Variants in SV2B observed in about 807,000 individuals in gnomAD.
The protein encoded by SV2B is solute carrier family 22 member B2.
In SV2B, 41 loss-of-function variants were observed where a neutral mutation model predicts 73.9. That is an observed-to-expected ratio of 0.56 (90% confidence interval 0.43 to 0.72). The LOEUF is 0.72. SV2B is among the 30% of genes least tolerant of loss of function. The probability of loss-of-function intolerance (pLI) is 0.00; values close to 1 mark genes in which losing one functional copy is unlikely to be tolerated. For synonymous variants in SV2B, 314 were observed against 314.2 expected (o/e 1.00, Z 0.01); for missense variants, 764 against 857.8 (o/e 0.89, Z 1.37).
chr15:91,173,309 C>T (rs551625637), intron 1 of SV2B, among the ~76,000 whole-genome samples: 4 of 152,216 alleles, frequency 2.6e-5, no homozygotes, highest in African/African-American at 9.6e-5. Flanking sequence ...TGTGGGACTG[C>T]AGGGGCTTGG....
rs751316963 is a variant in SV2B, at chr15:91,129,407, G to C, written c.-392+29044G>C. Among the ~76,000 whole-genome samples, 1 of 152,194 alleles carries C rather than the reference G, an allele frequency of 6.6e-6. No individual in the cohort carries two copies. The highest frequency in any genetic ancestry group is 1.5e-5 in the Non-Finnish European group (1 of 68,042). ...ATGAAGGGGGAGAAATCAATTGTCC[G>C]GAGATGGAACTGGGGGAGGAAGGAG... On this transcript the variant is annotated intron_variant, in intron 1 of 12. Transcript: ENST00000394232. The surrounding 1 kb of genome is among the most constrained non-coding windows in gnomAD (Gnocchi z 5.1).
rs889406100 is a variant in SV2B at position 91,136,212 on chromosome 15, G to T, written c.-392+35849G>T. On this transcript the variant is annotated intron_variant, in intron 1 of 12. Coordinates refer to ENST00000394232, the MANE Select transcript of SV2B (RefSeq NM_001323032.3). This position sits in a 1 kb window ranked among gnomAD's most constrained non-coding sequence, Gnocchi z 5.6. ...ATGCCAAAGAGGGGCCTGCTGGAGAGAACTTAGCAGGATGCCATTCAGGTG... is the reference window on the plus strand; with the variant it reads ...ATGCCAAAGAGGGGCCTGCTGGAGATAACTTAGCAGGATGCCATTCAGGTG... Among the ~76,000 whole-genome samples the T allele has an allele frequency of 1.3e-5, 2 of 152,234 alleles. No homozygotes were observed. The highest frequency in any genetic ancestry group is 4.8e-5 in the African/African-American group (2 of 41,472).
intron 1 of SV2B, among the ~76,000 whole-genome samples, chr15:91,184,272 G>A (rs1042554866): frequency 3.3e-5 from 5 of 152,194 alleles, no homozygotes; most frequent in East Asian, 1.9e-4. Flanking sequence ...AATTTACTGA[G>A]TGGAAGTTCA....
intron 2 of SV2B, among the ~76,000 whole-genome samples, chr15:91,247,020 G>A (rs1420501362): frequency 1.3e-5 from 2 of 152,100 alleles, no homozygotes; most frequent in African/African-American, 4.8e-5. Context: ...TAATAACATA[G>A]CCATTCCAGA....
At chr15:91,142,362 A>C (rs12148632) in intron 1 of SV2B, among the ~76,000 whole-genome samples, 1 of 151,968 alleles carries the variant, frequency 6.6e-6, no homozygotes, top group Admixed American at 6.6e-5. Context: ...ATTTTCCTGA[A>C]CAAAGAGAAC....
At chr15:91,186,411 T>C (rs1049321018) in intron 1 of SV2B, among the ~76,000 whole-genome samples, 1 of 152,152 alleles carries the variant, frequency 6.6e-6, no homozygotes, top group South Asian at 2.1e-4. Flanking sequence ...ATACATGGAG[T>C]GAGACAAAGC....
At chr15:91,209,107 G>GTTTTTTTTT (rs1362781398) in intron 1 of SV2B, among the ~76,000 whole-genome samples, 16 of 121,958 alleles carry the variant, frequency 1.3e-4, no homozygotes, top group African/African-American at 4.4e-4. Context: ...TGGCAGTACT[G>GTTTTTTTTT]TTTTTTGTTT....
At position 91,266,710 on chromosome 15, in the gene SV2B, C is replaced by T; in HGVS notation, c.1119+18C>T. 6 of 1,593,122 alleles carry T rather than the reference C, an allele frequency of 3.8e-6. No individual in the cohort carries two copies. The highest frequency in any genetic ancestry group is 5.2e-6 in the Non-Finnish European group (6 of 1,163,156). On this transcript the variant is annotated intron_variant, in intron 7 of 12. Coordinates refer to ENST00000394232, the MANE Select transcript of SV2B (RefSeq NM_001323032.3). ...TCAAGCAGGTATGATTGGGAACTTA[C>T]TTTGGATGAGGATGCGTCTCTATGG...
At chr15:91,285,821 C>T (rs775475401) in intron 11 of SV2B, among the ~76,000 whole-genome samples, 3 of 151,974 alleles carry the variant, frequency 2.0e-5, no homozygotes, top group African/African-American at 4.8e-5. Context: ...GTGCCCATGT[C>T]GACGAGAACA....
intron 1 of SV2B, among the ~76,000 whole-genome samples, chr15:91,152,584 A>C (rs1312352747): frequency 2.0e-5 from 3 of 152,220 alleles, no homozygotes; most frequent in African/African-American, 4.8e-5. Flanking sequence ...TATTGCTTTC[A>C]TATATTCAAA....
At chr15:91,170,110 T>A (rs1304418233) in intron 1 of SV2B, among the ~76,000 whole-genome samples, 1 of 152,194 alleles carries the variant, frequency 6.6e-6, no homozygotes, top group African/African-American at 2.4e-5. Context: ...TAATTTGTCT[T>A]TGTAGGTCCG....
intron 1 of SV2B, among the ~76,000 whole-genome samples, chr15:91,170,645 A>G (rs1041185534): frequency 3.3e-5 from 5 of 152,224 alleles, no homozygotes; most frequent in African/African-American, 1.2e-4. Flanking sequence ...TTAAAAATAC[A>G]TTAAAAATAT....
rs907112021 is a variant in SV2B, at chr15:91,258,733, A to C, written c.918+179A>C. Among the ~76,000 whole-genome samples, 1 of 152,120 alleles carries C rather than the reference A, an allele frequency of 6.6e-6. No homozygotes were observed. Among genetic ancestry groups the C allele is most frequent in the African/African-American group, 2.4e-5 (1 of 41,426 alleles). ...GGCACCTGCCGGCTGTGATGGTGGC[A>C]GGTCATGGATTCACGGACTGCAAAT... On this transcript the variant is annotated intron_variant, in intron 5 of 12. Coordinates refer to ENST00000394232, the MANE Select transcript of SV2B (RefSeq NM_001323032.3). The surrounding 1 kb of genome is among the most constrained non-coding windows in gnomAD (Gnocchi z 4.7).
chr15:91,101,892 C>G (rs4423396), intron 1 of SV2B: 81,513 of 151,974 alleles, frequency 0.54, 22,889 homozygotes, highest in African/African-American at 0.65. Flanking sequence ...TTAATGAATG[C>G]TTTTCCTGAA....
intron 1 of SV2B, among the ~76,000 whole-genome samples, chr15:91,221,242 T>A: frequency 6.6e-6 from 1 of 152,164 alleles, no homozygotes; most frequent in Admixed American, 6.6e-5. Context: ...GACACTGTGC[T>A]GAGCACTCTT....
chr15:91,206,245 T>A lies in SV2B; in HGVS notation c.-391-19628T>A, dbSNP rs528171309. ...TTTTCAGATACAGGTTCTCTTTGTG[T>A]AGCCCAGGCTGTTCTTGAACTCCTG... On this transcript the variant is annotated intron_variant, in intron 1 of 12. Coordinates refer to ENST00000394232, the MANE Select transcript of SV2B (RefSeq NM_001323032.3). 3.8e-3 allele frequency among the ~76,000 whole-genome samples: 562 copies of A among 149,860 alleles called. 4 individuals carry two copies. Among genetic ancestry groups the A allele is most frequent in the Non-Finnish European group, 5.9e-3 (397 of 67,586 alleles).
intron 1 of SV2B, among the ~76,000 whole-genome samples, chr15:91,222,477 G>A (rs2046250895): frequency 6.6e-6 from 1 of 152,106 alleles, no homozygotes; most frequent in African/African-American, 2.4e-5. Flanking sequence ...GATCTTCTGA[G>A]AATGGGGATC....
chr15:91,169,567 A>G (rs971852480), intron 1 of SV2B, among the ~76,000 whole-genome samples: 2 of 152,144 alleles, frequency 1.3e-5, no homozygotes, highest in Non-Finnish European at 2.9e-5. Context: ...TCGCTCGACA[A>G]GTATGTGCAC....
intron 12 of SV2B, among the ~76,000 whole-genome samples, chr15:91,291,040 A>T (rs931290013): frequency 6.7e-6 from 1 of 148,956 alleles, no homozygotes; most frequent in Non-Finnish European, 1.5e-5. Flanking sequence ...TATGGATTAT[A>T]TATTTATATA....
Sources: allele counts gnomAD v4.1 joint callset (sites outside exome capture counted in the v4.1 genomes callset), GRCh38; gene constraint gnomAD v4.1.1; non-coding constraint Gnocchi (gnomAD v3.1); transcripts MANE v1.5; gene names NCBI Gene and HGNC (gene_info 2026-07-23, HGNC 2026-07-21).